The following EYS variants were observed in gnomAD, a reference collection of about 807,000 sequenced individuals.
EYS encodes EGF-like photoreceptor maintenance factor, also known as protein eyes shut homolog.
A neutral mutation model predicts 282.1 loss-of-function variants in EYS; 250 were observed. The observed-to-expected ratio is 0.89, with a 90% confidence interval of 0.80 to 0.98. EYS has a LOEUF of 0.98. Among genes scored for constraint, EYS ranks in the 50% least tolerant of loss-of-function variants. The pLI is 0.00. For missense variants in EYS, 4,016 were observed against 3,709.0 expected (o/e 1.08, Z -2.15); for synonymous variants, 1,355 against 1,282.9 (o/e 1.06, Z -1.20).
intron 12 of EYS, among the ~76,000 whole-genome samples, chr6:65,250,705 T>C (rs964213597): frequency 6.6e-6 from 1 of 151,736 alleles, no homozygotes; most frequent in Non-Finnish European, 1.5e-5. Context: ...ACTTCAACAA[T>C]ACAGATGACC....
At chr6:65,540,661 G>A (rs141940620) in intron 2 of EYS, among the ~76,000 whole-genome samples, 135 of 152,288 alleles carry the variant, frequency 8.9e-4, no homozygotes, top group African/African-American at 3.0e-3. Flanking sequence ...GCTCACGCCT[G>A]TAATCCCAGC....
intron 5 of EYS, among the ~76,000 whole-genome samples, chr6:65,414,058 C>G (rs949981394): frequency 6.6e-6 from 1 of 152,008 alleles, no homozygotes; most frequent in Non-Finnish European, 1.5e-5. Flanking sequence ...TAGAATGCTG[C>G]TACCCCACAA....
At position 65,475,730 on chromosome 6, in the gene EYS, C is replaced by A. The variant is rs187186753; in HGVS notation, c.862+14864G>T. ...TATACTCATTTTATAAATTTTTGTACCCCCTGACAGACAGACAGACAGACA... is the reference window on the plus strand; with the variant it reads ...TATACTCATTTTATAAATTTTTGTAACCCCTGACAGACAGACAGACAGACA... On this transcript the variant is annotated intron_variant, in intron 5 of 42. Transcript: ENST00000503581. 4.3e-4 allele frequency among the ~76,000 whole-genome samples: 65 copies of A among 149,782 alleles called. 1 individual carries two copies. The East Asian group carries it at 0.012, about 27-fold the overall frequency.
intron 7 of EYS, among the ~76,000 whole-genome samples, chr6:65,390,851 GC>G (rs1284549772): frequency 6.6e-6 from 1 of 151,740 alleles, no homozygotes; most frequent in Non-Finnish European, 1.5e-5. Flanking sequence ...AACACTACAT[GC>G]CAGCCTGGGT....
chr6:65,414,247 C>T (rs145868757), intron 5 of EYS, among the ~76,000 whole-genome samples: 4 of 152,038 alleles, frequency 2.6e-5, no homozygotes, highest in East Asian at 1.9e-4. Flanking sequence ...TGAGCTCAGA[C>T]GAGGATGTAA....
chr6:64,620,193 T>C (rs1365114748), intron 23 of EYS, among the ~76,000 whole-genome samples: 1 of 152,140 alleles, frequency 6.6e-6, no homozygotes, highest in Non-Finnish European at 1.5e-5. Context: ...TTCTGGAAGA[T>C]GTCCCCTCAG....
intron 28 of EYS, among the ~76,000 whole-genome samples, chr6:64,435,341 T>C (rs761068609): frequency 6.6e-6 from 1 of 151,854 alleles, no homozygotes; most frequent in Non-Finnish European, 1.5e-5. Flanking sequence ...TTCTAGATAA[T>C]AGAATTTGGG....
chr6:65,250,839 C>T (rs1486077877), intron 12 of EYS, among the ~76,000 whole-genome samples: 6 of 151,098 alleles, frequency 4.0e-5, no homozygotes, highest in South Asian at 2.1e-4. Flanking sequence ...ATTAATCTAC[C>T]GTAAGTTAGA....
At chr6:64,289,475 C>A (rs1922957) in intron 30 of EYS, among the ~76,000 whole-genome samples, 114,296 of 151,894 alleles carry the variant, frequency 0.75, 43,590 homozygotes, top group African/African-American at 0.89. Flanking sequence ...AGTTCTCATC[C>A]TATGAGAAGG....
intron 7 of EYS, among the ~76,000 whole-genome samples, chr6:65,398,517 A>AG (rs926033427): frequency 2.6e-5 from 4 of 151,932 alleles, no homozygotes; most frequent in Non-Finnish European, 5.9e-5. Context: ...TAAAAATCCT[A>AG]GAAAAAAAAA....
At position 65,595,667 on chromosome 6, in the gene EYS, T is replaced by C. The variant is rs545672529; in HGVS notation, c.-333+44111A>G. 1.5e-4 allele frequency among the ~76,000 whole-genome samples: 22 copies of C among 149,290 alleles called. No homozygotes were observed. The South Asian group carries it at 4.4e-3, about 30-fold the overall frequency. On this transcript the variant is annotated intron_variant, in intron 2 of 42. Coordinates refer to ENST00000503581, the MANE Select transcript of EYS (RefSeq NM_001142800.2). ...TTTATCTCAAAAAAAAAAAAATCAG[T>C]TTAGTTAAATAACGGTTTATCTCTT...
At chr6:63,905,333 T>TTC (rs1554186394) in intron 35 of EYS, among the ~76,000 whole-genome samples, 9 of 146,784 alleles carry the variant, frequency 6.1e-5, no homozygotes, top group African/African-American at 2.3e-4. Flanking sequence ...TTTTTTCTTT[T>TTC]TTTTTTTTTT....
chr6:64,172,503 G>A (rs1056423680), intron 31 of EYS, among the ~76,000 whole-genome samples: 6 of 152,114 alleles, frequency 3.9e-5, no homozygotes, highest in African/African-American at 1.4e-4. Context: ...CAGGTGCTAT[G>A]GAAAACATGG....
chr6:64,147,518 AC>A (rs1774560296), intron 31 of EYS, among the ~76,000 whole-genome samples: 1 of 152,170 alleles, frequency 6.6e-6, no homozygotes. Flanking sequence ...TGTGGCACTG[AC>A]CATGAAATGA....
At chr6:64,112,785 T>G (rs1773249637) in intron 31 of EYS, among the ~76,000 whole-genome samples, 1 of 149,492 alleles carries the variant, frequency 6.7e-6, no homozygotes, top group Non-Finnish European at 1.5e-5. Flanking sequence ...GAATAATATA[T>G]ATCTATAATA....
intron 5 of EYS, among the ~76,000 whole-genome samples, chr6:65,435,244 A>T (rs1316416483): frequency 6.6e-6 from 1 of 152,014 alleles, no homozygotes; most frequent in Non-Finnish European, 1.5e-5. Context: ...CAGTAGATGA[A>T]AGTATCAATG....
At chr6:64,641,615 T>C (rs939366951) in intron 22 of EYS, among the ~76,000 whole-genome samples, 2 of 152,132 alleles carry the variant, frequency 1.3e-5, no homozygotes, top group Non-Finnish European at 2.9e-5. Context: ...CTGATTTCAC[T>C]AACAGTTTCC....
Position 65,278,781 on chromosome 6 carries a change from C to G in EYS, c.2023+17082G>C, listed in dbSNP as rs550143727. Among the ~76,000 whole-genome samples, 4 of 152,284 alleles carry G rather than the reference C, an allele frequency of 2.6e-5. No homozygotes were observed. The South Asian group carries it at 8.3e-4, about 32-fold the overall frequency. On this transcript the variant is annotated intron_variant, in intron 12 of 42. Transcript: ENST00000503581. ...TACAACAGTTCTGTGAAATATACTA[C>G]ATTTACTACCACTCAGCCATTGAGT... is the stretch of plus-strand genomic sequence containing the variant.
intron 2 of EYS, among the ~76,000 whole-genome samples, chr6:65,535,367 C>T (rs576173724): frequency 9.9e-5 from 15 of 152,138 alleles, no homozygotes; most frequent in South Asian, 4.1e-4. Context: ...CAGGTCTTTC[C>T]GGTGCTGTTC....
Sources: gnomAD v4.1 joint callset for allele counts (sites outside exome capture counted in the v4.1 genomes callset) on GRCh38, gnomAD v4.1.1 for gene constraint, MANE v1.5 for transcripts, NCBI Gene and HGNC (gene_info 2026-07-23, HGNC 2026-07-21) for gene names.